Variants in ZKSCAN2 observed in about 807,000 individuals in gnomAD.
The protein encoded by ZKSCAN2 is zinc finger with KRAB and SCAN domains 2.
In ZKSCAN2, 38 loss-of-function variants were observed where a neutral mutation model predicts 90.5. The observed-to-expected ratio is 0.42, with a 90% CI of 0.32 to 0.55. The LOEUF (loss-of-function observed/expected upper bound fraction) is 0.55. Among genes scored for constraint, ZKSCAN2 ranks in the 20% least tolerant of loss-of-function variants. The pLI, the probability that ZKSCAN2 is intolerant of heterozygous loss-of-function variation, is 0.11. For synonymous variants in ZKSCAN2, 429 were observed against 421.6 expected (o/e 1.02, Z -0.22); for missense variants, 1,167 against 1,202.6 (o/e 0.97, Z 0.44).
At chr16:25,247,797 T>C (rs1162218300) in intron 4 of ZKSCAN2, among the ~76,000 whole-genome samples, 3 of 152,154 alleles carry the variant, frequency 2.0e-5, no homozygotes, top group Non-Finnish European at 4.4e-5. Context: ...TACATACATA[T>C]ATAGGCACTG....
At chr16:25,255,168 G>A (rs775541254) in intron 2 of ZKSCAN2, 38 bp downstream of exon 2, 1 of 1,553,642 alleles carries the variant, frequency 6.4e-7, no homozygotes, top group African/African-American at 1.4e-5. Flanking sequence ...ATCTGCCCCA[G>A]CCTCTGCACT....
chr16:25,255,128 G>T, intron 2 of ZKSCAN2, 78 bp downstream of exon 2: 1 of 1,449,308 alleles, frequency 6.9e-7, no homozygotes, highest in Non-Finnish European at 9.2e-7. Context: ...GCCCTCCACT[G>T]CACATTCACA....
chr16:25,255,381 G>T lies in ZKSCAN2; in HGVS notation c.411C>A (p.Pro137=), dbSNP rs1321953229. Residue 137 remains proline (P), a synonymous_variant, in exon 2 of 7, where the codon CCC becomes CCA. Coordinates refer to ENST00000328086, the MANE Select transcript of ZKSCAN2 (RefSeq NM_001012981.5). ...TGRLRQQVSS[P]VHREKHSPLG... ...GTGGGGAGTGCTTCTCCCGGTGCAC[G>T]GGACTGCTGACCTGAGAAATGAAGT... 1 of 1,611,198 alleles carries T rather than the reference G, an allele frequency of 6.2e-7. No homozygotes were observed. Among genetic ancestry groups the T allele is most frequent in the Non-Finnish European group, 8.5e-7 (1 of 1,179,802 alleles).
At chr16:25,245,403 C>T (rs964246876) in intron 5 of ZKSCAN2, among the ~76,000 whole-genome samples, 1 of 152,188 alleles carries the variant, frequency 6.6e-6, no homozygotes, top group African/African-American at 2.4e-5. Context: ...CACATCCAGC[C>T]AGATATTTCT....
chr16:25,253,091 T>G (rs1235985474), intron 2 of ZKSCAN2, 54 bp from the exon 3 acceptor site: 2 of 1,346,314 alleles, frequency 1.5e-6, no homozygotes, highest in African/African-American at 2.9e-5. Flanking sequence ...CTTTAATTCA[T>G]GCTGTCTCTC....
intron 6 of ZKSCAN2, among the ~76,000 whole-genome samples, chr16:25,242,053 G>C (rs1367838719): frequency 1.3e-5 from 2 of 152,096 alleles, no homozygotes. Context: ...ATTTTTTGTA[G>C]AGATGGGGTG....
rs1962777861 is a variant in ZKSCAN2 at position 25,236,968 on chromosome 16, T to G, written c.*2848A>C. The G allele has an allele frequency of 6.6e-6, 1 of 152,554 alleles. No individual in the cohort carries two copies. The highest frequency in any genetic ancestry group is 2.1e-4 in the South Asian group (1 of 4,828). 9.5% of individuals were successfully genotyped at this position (152,554 alleles called of 1,614,324 possible). ...GTAGTTGGTTGAGGTGGGCTGTAAG[T>G]TTTGTTGAACTTTCCAGCAGCCAGA... On this transcript the variant is annotated 3_prime_UTR_variant, in exon 7 of 7. Coordinates refer to ENST00000328086, the MANE Select transcript of ZKSCAN2 (RefSeq NM_001012981.5).
rs115298610 is a variant in ZKSCAN2, at chr16:25,240,157, C to G, written c.2563G>C (p.Gly855Arg). The G allele has an allele frequency of 6.2e-7, 1 of 1,614,040 alleles. No individual in the cohort carries two copies. Among genetic ancestry groups the G allele is most frequent in the Non-Finnish European group, 8.5e-7 (1 of 1,180,024 alleles). The change falls in exon 7 of 7, where the codon GGT becomes CGT. Residue 855 changes from glycine (G) to arginine (R), a missense_variant. Physicochemically the swap from Gly to Arg is moderately radical, Grantham distance 125. Transcript: ENST00000328086. The stretch of plus-strand genomic sequence containing the variant: ...TCTCCACACTGATAGGGCTTCTCAC[C>G]GGTGTGCGTTCTCTGATGTATAATA... ...SLIIHQRTHT[G>R]EKPYQCGECG... is the part of the protein sequence containing the mutation.
chr16:25,241,253 T>A (rs36085022), intron 6 of ZKSCAN2, among the ~76,000 whole-genome samples: 13,299 of 152,308 alleles, frequency 0.087, 704 homozygotes, highest in Middle Eastern at 0.14. Context: ...AATGAAATCT[T>A]AATTCTCACT....
intron 4 of ZKSCAN2, among the ~76,000 whole-genome samples, chr16:25,251,686 T>C (rs1963023352): frequency 6.6e-6 from 1 of 152,216 alleles, no homozygotes; most frequent in East Asian, 1.9e-4. Flanking sequence ...ATGATAGTCA[T>C]ATGTAACTCC....
Position 25,243,772 on chromosome 16 carries a change from T to TTTTGCACCAAAACTCCTTGGC in ZKSCAN2, c.1981+12_1981+13insGCCAAGGAGTTTTGGTGCAAA. The TTTTGCACCAAAACTCCTTGGC allele has an allele frequency of 1.3e-6, 2 of 1,597,816 alleles. No individual in the cohort carries two copies. Among genetic ancestry groups the TTTTGCACCAAAACTCCTTGGC allele is most frequent in the Admixed American group, 1.8e-5 (1 of 56,686 alleles). On this transcript the variant is annotated intron_variant, in intron 6 of 6. Transcript: ENST00000328086. ...CCTCTTTTGGACTAAAACTCCTTGGTTTTGCACCTTACCATTTGGGCTCTG... is the reference window on the plus strand; with the variant it reads ...CCTCTTTTGGACTAAAACTCCTTGGTTTTGCACCAAAACTCCTTGGCTTTGCACCTTACCATTTGGGCTCTG...
At chr16:25,248,393 T>C (rs1962970453) in intron 4 of ZKSCAN2, among the ~76,000 whole-genome samples, 1 of 150,942 alleles carries the variant, frequency 6.6e-6, no homozygotes, top group Non-Finnish European at 1.5e-5. Flanking sequence ...ACCACTCATC[T>C]GCTAAGGGGT....
rs1364559564 is a variant in ZKSCAN2, at chr16:25,248,540, G to A, written c.806-1150C>T. 2.6e-5 allele frequency among the ~76,000 whole-genome samples: 4 copies of A among 152,114 alleles called. No homozygotes were observed. The East Asian group carries it at 5.8e-4, about 22-fold the overall frequency. On this transcript the variant is annotated intron_variant, in intron 4 of 6. Coordinates refer to ENST00000328086, the MANE Select transcript of ZKSCAN2 (RefSeq NM_001012981.5). Reference sequence around the variant, plus strand: ...AAGAAGACATACAAATGGCAGATAGGTACATGAAAAGGTGCTCAACATTGC... The same window carrying A: ...AAGAAGACATACAAATGGCAGATAGATACATGAAAAGGTGCTCAACATTGC...
chr16:25,245,036 C>T (rs1478502590), intron 5 of ZKSCAN2, among the ~76,000 whole-genome samples: 1 of 152,174 alleles, frequency 6.6e-6, no homozygotes, highest in African/African-American at 2.4e-5. Flanking sequence ...GAGTCCCAGC[C>T]TCATGTTGAT....
intron 2 of ZKSCAN2, among the ~76,000 whole-genome samples, chr16:25,254,470 A>G (rs16974545): frequency 0.074 from 11,214 of 152,306 alleles, 499 homozygotes; most frequent in African/African-American, 0.11. Flanking sequence ...CTGTGAGTCA[A>G]ACTTTGAACA....
In ZKSCAN2 at chr16:25,239,790, G is replaced by A. The variant is rs778244349; in HGVS notation, c.*26C>T. 21 of 1,539,438 alleles carry A rather than the reference G, an allele frequency of 1.4e-5. No homozygotes were observed. In the South Asian group the frequency reaches 2.4e-4, roughly 18 times the overall value. On this transcript the variant is annotated 3_prime_UTR_variant, in exon 7 of 7. Coordinates refer to ENST00000328086, the MANE Select transcript of ZKSCAN2 (RefSeq NM_001012981.5). ...TGAGATTAGGGTAAAATGGCTAAGGGGGCATTTAGGAAGAGAAGATCATCA... is the reference window on the plus strand; with the variant it reads ...TGAGATTAGGGTAAAATGGCTAAGGAGGCATTTAGGAAGAGAAGATCATCA...
In ZKSCAN2 at chr16:25,251,950, C is replaced by A; in HGVS notation, c.764G>T (p.Arg255Leu). The A allele has an allele frequency of 6.2e-7, 1 of 1,614,028 alleles. No homozygotes were observed. Among genetic ancestry groups the A allele is most frequent in the Non-Finnish European group, 8.5e-7 (1 of 1,179,972 alleles). Residue 255 changes from arginine (R) to leucine (L), a missense_variant, in exon 4 of 7, where the codon CGG (arginine) becomes CTG (leucine). Physicochemically the swap from Arg to Leu is moderately radical, Grantham distance 102 (BLOSUM62 -2). Coordinates refer to ENST00000328086, the MANE Select transcript of ZKSCAN2 (RefSeq NM_001012981.5). Reference protein sequence around the residue: ...HQIPAQRDLYRDFRKENVGNV... With the variant: ...HQIPAQRDLYLDFRKENVGNV... ...CCCAACATTCTCCTTCCTGAAATCCCGGTAGAGGTCCCTTTGGGCAGGAAT... is the reference window on the plus strand; with the variant it reads ...CCCAACATTCTCCTTCCTGAAATCCAGGTAGAGGTCCCTTTGGGCAGGAAT...
rs1962787563 is a variant in ZKSCAN2, at chr16:25,237,505, G to A, written c.*2311C>T. The A allele has an allele frequency of 1.3e-5, 2 of 152,188 alleles. No homozygotes were observed. The allele number at this position is 152,188 out of a possible 1,614,324, so 9.4% of individuals were successfully genotyped here. A position where few individuals can be genotyped will look rare whatever the true frequency, so the allele number is the denominator to read the frequency against. On this transcript the variant is annotated 3_prime_UTR_variant, in exon 7 of 7. Coordinates refer to ENST00000328086, the MANE Select transcript of ZKSCAN2 (RefSeq NM_001012981.5). ...CCACTGGGGAAGGTTGAGAGATGAA[G>A]GTACAGAATATGATTCTGGGCAACT...
intron 5 of ZKSCAN2, 97 bp from the exon 6 acceptor site, chr16:25,244,373 C>T (rs1046805802): frequency 1.4e-6 from 2 of 1,381,044 alleles, no homozygotes. Flanking sequence ...AAAAAAAATC[C>T]CATTCACAGT....
Sources: allele counts gnomAD v4.1 joint callset (sites outside exome capture counted in the v4.1 genomes callset), GRCh38; gene constraint gnomAD v4.1.1; transcripts MANE v1.5; gene names NCBI Gene and HGNC (gene_info 2026-07-23, HGNC 2026-07-21).